MTMR2: variants seen among roughly 807,000 people sequenced by gnomAD.
The protein encoded by MTMR2 is myotubularin related protein 2.
MTMR2 carries 55 observed loss-of-function variants against 86.9 expected under a neutral mutation model. That is an observed-to-expected ratio of 0.63 (90% CI 0.51 to 0.79). MTMR2 has a LOEUF of 0.79. Ranked by LOEUF, MTMR2 falls within the 30% of genes least tolerant of loss-of-function variation. MTMR2 has a pLI of 0.00. For synonymous variants in MTMR2, 241 were observed against 266.8 expected, an observed-to-expected ratio of 0.90 and a Z score of 0.94; for missense variants, 659 against 772.3, an observed-to-expected ratio of 0.85 and a Z score of 1.74.
intron 10 of MTMR2, among the ~76,000 whole-genome samples, chr11:95,847,500 G>C (rs1863839587): frequency 6.6e-6 from 1 of 151,994 alleles, no homozygotes. Context: ...ATGGGAGGGG[G>C]AACAAAAGAA....
At chr11:95,904,706 C>T (rs1048337713) in intron 1 of MTMR2, among the ~76,000 whole-genome samples, 2 of 152,172 alleles carry the variant, frequency 1.3e-5, no homozygotes, top group African/African-American at 4.8e-5. Context: ...ATGGGCAAGC[C>T]ACAGCCCTTG....
rs979422248 is a variant in MTMR2 at position 95,833,812 on chromosome 11, C to T, written c.*1478G>A. 1 of 152,016 alleles carries T rather than the reference C, an allele frequency of 6.6e-6. No individual in the cohort carries two copies. The highest frequency in any genetic ancestry group is 1.5e-5 in the Non-Finnish European group (1 of 67,976). The allele number at this position is 152,016 out of a possible 1,614,324, so 9.4% of individuals were successfully genotyped here. ...CCTGTTAAAAAGCTTATATTTCACACAATTACCAAAGAAATCATTTTGGTA... is the reference window on the plus strand; with the variant it reads ...CCTGTTAAAAAGCTTATATTTCACATAATTACCAAAGAAATCATTTTGGTA... On this transcript the variant is annotated 3_prime_UTR_variant, in exon 15 of 15. Coordinates refer to ENST00000346299, the MANE Select transcript of MTMR2 (RefSeq NM_016156.6).
chr11:95,860,375 C>T (rs1253984763), intron 5 of MTMR2, among the ~76,000 whole-genome samples: 1 of 152,102 alleles, frequency 6.6e-6, no homozygotes, highest in Admixed American at 6.5e-5. Context: ...GTGGCATATG[C>T]CTGTAATCCC....
At chr11:95,917,678 GA>G (rs948042154) in intron 1 of MTMR2, among the ~76,000 whole-genome samples, 5 of 151,674 alleles carry the variant, frequency 3.3e-5, no homozygotes, top group African/African-American at 9.7e-5. Context: ...CTCTAACAAT[GA>G]AAAAAAATGT....
intron 1 of MTMR2, 49 bp from the exon 2 acceptor site, chr11:95,888,310 A>C: frequency 8.0e-7 from 1 of 1,252,854 alleles, no homozygotes; most frequent in Non-Finnish European, 1.2e-6. Flanking sequence ...GGCTTCAAAG[A>C]CCAATTTCAG....
chr11:95,860,492 C>T (rs2135470015), intron 5 of MTMR2, among the ~76,000 whole-genome samples: 1 of 152,244 alleles, frequency 6.6e-6, no homozygotes, highest in African/African-American at 2.4e-5. Flanking sequence ...CAGAGCCAGA[C>T]TCTTGTCTCA....
chr11:95,847,572 G>A (rs1434805832), intron 10 of MTMR2, 142 bp downstream of exon 10: 20 of 757,350 alleles, frequency 2.6e-5, no homozygotes, highest in Non-Finnish European at 4.1e-5. Flanking sequence ...AAATTCACTA[G>A]TAGTTCCAAG....
At chr11:95,916,153 G>A (rs925817201) in intron 1 of MTMR2, among the ~76,000 whole-genome samples, 2 of 152,034 alleles carry the variant, frequency 1.3e-5, no homozygotes, top group African/African-American at 4.8e-5. Context: ...CAGACTTTAG[G>A]TGGAAAATGT....
chr11:95,909,629 T>C (rs573448652), intron 1 of MTMR2, among the ~76,000 whole-genome samples: 1 of 152,098 alleles, frequency 6.6e-6, no homozygotes, highest in East Asian at 1.9e-4. Flanking sequence ...ACTTCCTAAA[T>C]CTCCTTTATT....
intron 2 of MTMR2, among the ~76,000 whole-genome samples, chr11:95,867,732 C>T (rs1591002828): frequency 6.6e-6 from 1 of 151,674 alleles, no homozygotes; most frequent in East Asian, 1.9e-4. Context: ...CAATCTAGAC[C>T]CTGTGTTTGT....
chr11:95,852,750 C>T lies in MTMR2; in HGVS notation c.655-2001G>A, dbSNP rs375292080. On this transcript the variant is annotated intron_variant, in intron 7 of 14. Coordinates refer to ENST00000346299, the MANE Select transcript of MTMR2 (RefSeq NM_016156.6). ...TTAGAGGTTTTTAACAAAATATTCA[C>T]GTGCTGGCCGGGCACGGTGGCTCAC... Among the ~76,000 whole-genome samples the T allele has an allele frequency of 4.6e-5, 7 of 152,250 alleles. No individual in the cohort carries two copies. The South Asian group carries it at 1.5e-3, about 32-fold the overall frequency.
chr11:95,882,876 C>T (rs560775533), intron 2 of MTMR2, among the ~76,000 whole-genome samples: 18 of 147,446 alleles, frequency 1.2e-4, no homozygotes, highest in South Asian at 8.7e-4. Flanking sequence ...GCGCCCGCCA[C>T]CACATCCAGC....
At chr11:95,888,286 G>T in intron 1 of MTMR2, 25 bp from the exon 2 acceptor site, 2 of 1,544,436 alleles carry the variant, frequency 1.3e-6, no homozygotes, top group Non-Finnish European at 1.8e-6. Flanking sequence ...AGTACAGTAT[G>T]TTGGAAAAAT....
intron 1 of MTMR2, among the ~76,000 whole-genome samples, chr11:95,908,787 G>A (rs561617283): frequency 1.1e-4 from 16 of 152,128 alleles, no homozygotes; most frequent in African/African-American, 2.9e-4. Flanking sequence ...TTATCTATAC[G>A]TAGATTGAAA....
In MTMR2 at chr11:95,858,628, A is replaced by C. The variant is rs764606843; in HGVS notation, c.473T>G (p.Ile158Ser). 1 of 1,599,308 alleles carries C rather than the reference A, an allele frequency of 6.3e-7. No individual in the cohort carries two copies. The highest frequency in any genetic ancestry group is 8.6e-7 in the Non-Finnish European group (1 of 1,166,964). ...SYGLETVCKD[I>S]RNLRFAHKPE... is the part of the protein sequence containing the mutation. ...TTTATGAGCAAATCGTAAATTCCTAATATCCTAGAAAAGATTTAGGAACCA... is the reference window on the plus strand; with the variant it reads ...TTTATGAGCAAATCGTAAATTCCTACTATCCTAGAAAAGATTTAGGAACCA... The change falls in exon 6 of 15, where the codon ATT becomes AGT. Residue 158 changes from isoleucine to serine, a missense_variant. Physicochemically the swap from Ile to Ser is moderately radical, Grantham distance 142 (BLOSUM62 -2). Around this residue, in one of 3 missense-constraint regions of MTMR2, gnomAD observed 387 missense variants for 526.3 expected, o/e 0.74. Coordinates refer to ENST00000346299, the MANE Select transcript of MTMR2 (RefSeq NM_016156.6).
chr11:95,867,576 C>A (rs772638021), intron 2 of MTMR2, among the ~76,000 whole-genome samples: 57 of 152,272 alleles, frequency 3.7e-4, no homozygotes, highest in Non-Finnish European at 5.9e-4. Flanking sequence ...AATACAAGAT[C>A]CTATCTTTGT....
At chr11:95,891,832 G>A (rs917293099) in intron 1 of MTMR2, among the ~76,000 whole-genome samples, 1 of 152,102 alleles carries the variant, frequency 6.6e-6, no homozygotes, top group East Asian at 1.9e-4. Flanking sequence ...CACACAGAGA[G>A]AGAGAAAGGG....
intron 2 of MTMR2, among the ~76,000 whole-genome samples, chr11:95,872,387 T>G (rs184795424): frequency 1.3e-5 from 2 of 152,360 alleles, no homozygotes; most frequent in Admixed American, 1.3e-4. Context: ...GAAGCAACTG[T>G]GAATGGGAGT....
chr11:95,897,826 T>C (rs183597243), intron 1 of MTMR2, among the ~76,000 whole-genome samples: 31 of 152,228 alleles, frequency 2.0e-4, no homozygotes, highest in African/African-American at 7.2e-4. Context: ...TAACGTAAAC[T>C]CTATTGACTC....
Sources: gnomAD v4.1 joint callset for allele counts (sites outside exome capture counted in the v4.1 genomes callset) on GRCh38, gnomAD v4.1.1 for gene constraint, gnomAD v4.1.1 regional missense constraint, MANE v1.5 for transcripts, NCBI Gene and HGNC (gene_info 2026-07-23, HGNC 2026-07-21) for gene names.